Variants in TPST1 observed in about 807,000 individuals in gnomAD.
The protein encoded by TPST1 is protein-tyrosine sulfotransferase 1.
In TPST1, 20 loss-of-function variants were observed where a neutral mutation model predicts 34.8. That is an observed-to-expected ratio of 0.57 (90% CI 0.40 to 0.84). The LOEUF (loss-of-function observed/expected upper bound fraction) is 0.84. Ranked by LOEUF, TPST1 falls within the 40% of genes least tolerant of loss-of-function variation. The pLI is 0.00. For synonymous variants in TPST1, 152 were observed against 159.4 expected (o/e 0.95, Z 0.35); for missense variants, 353 against 455.5 (o/e 0.78, Z 2.05).
chr7:66,278,737 C>A (rs191558365), intron 2 of TPST1, among the ~76,000 whole-genome samples: 1 of 151,168 alleles, frequency 6.6e-6, no homozygotes, highest in Non-Finnish European at 1.5e-5. Context: ...GAGCCGAGAT[C>A]GCACCACTGC....
rs570721897 is a variant in TPST1 at position 66,278,681 on chromosome 7, G to T, written c.846-7830G>T. 3.6e-3 allele frequency among the ~76,000 whole-genome samples: 541 copies of T among 152,122 alleles called. 3 individuals are homozygous for T. Among genetic ancestry groups the T allele is most frequent in the African/African-American group, 0.012 (512 of 41,492 alleles). The stretch of plus-strand genomic sequence containing the variant: ...CGCCTGTAGTCCCAGCTACTGGGAG[G>T]CTGAGGCAGGAGAATGGCGTGAACC... On this transcript the variant is annotated intron_variant, in intron 2 of 5. Coordinates refer to ENST00000304842, the MANE Select transcript of TPST1 (RefSeq NM_003596.4).
intron 2 of TPST1, among the ~76,000 whole-genome samples, chr7:66,271,778 C>T (rs974901801): frequency 5.3e-5 from 8 of 151,432 alleles, no homozygotes; most frequent in Admixed American, 6.6e-5. Flanking sequence ...ATATCCATAT[C>T]GTATATGTAT....
At chr7:66,213,493 C>A (rs1204614641) in intron 1 of TPST1, among the ~76,000 whole-genome samples, 2 of 152,148 alleles carry the variant, frequency 1.3e-5, no homozygotes, top group African/African-American at 4.8e-5. Flanking sequence ...CGGTGGCTCA[C>A]GCCTGTAATC....
intron 3 of TPST1, among the ~76,000 whole-genome samples, chr7:66,335,359 A>G (rs1468788109): frequency 6.6e-6 from 1 of 151,956 alleles, no homozygotes; most frequent in Non-Finnish European, 1.5e-5. Flanking sequence ...CAGAGGCTGA[A>G]GCAAAGAGTC....
chr7:66,250,451 T>C (rs753084288), intron 2 of TPST1, among the ~76,000 whole-genome samples: 1 of 152,230 alleles, frequency 6.6e-6, no homozygotes, highest in Non-Finnish European at 1.5e-5. Flanking sequence ...CAGACAGACA[T>C]AGGTTCAAAT....
rs1792501807 is a variant in TPST1 at position 66,352,528 on chromosome 7, A to G, written c.1068A>G (p.Leu356=). The G allele has an allele frequency of 1.9e-6, 3 of 1,613,232 alleles. No individual in the cohort carries two copies. The highest frequency in any genetic ancestry group is 8.5e-7 in the Non-Finnish European group (1 of 1,179,804). The change falls in exon 4 of 6, where the codon CTA becomes CTG. Residue 356 remains leucine, a synonymous_variant. Transcript: ENST00000304842. ...TRRVYKGEFQ[L]PDFLKEKPQT... ...AGGTCTATAAGGGAGAATTCCAACT[A>G]CCTGACTTTCTTAAAGAAAAACCAC...
chr7:66,293,219 A>G (rs1385366511), intron 3 of TPST1, among the ~76,000 whole-genome samples: 1 of 151,868 alleles, frequency 6.6e-6, no homozygotes, highest in African/African-American at 2.4e-5. Flanking sequence ...AAAAAAAAAG[A>G]AAAACTTGGG....
At chr7:66,203,188 C>T (rs1419125645), upstream of TPST1, among the ~76,000 whole-genome samples, 2 of 151,804 alleles carry the variant, frequency 1.3e-5, no homozygotes, top group Non-Finnish European at 2.9e-5. Flanking sequence ...TATATACACA[C>T]ACACACATAT....
Position 66,240,754 on chromosome 7 carries a change from T to C in TPST1, c.329T>C (p.Leu110Pro). The C allele has an allele frequency of 6.2e-7, 1 of 1,614,226 alleles. No homozygotes were observed. Among genetic ancestry groups the C allele is most frequent in the Non-Finnish European group, 8.5e-7 (1 of 1,180,046 alleles). ...AGGGTCATTCCCCGAATCCTGGCCC[T>C]GAAGCAGATGTGGTCACGGTCAAGT... ...ETRVIPRILA[L>P]KQMWSRSSKE... Residue 110 changes from leucine to proline, a missense_variant, in exon 2 of 6, where the codon CTG becomes CCG. Coordinates refer to ENST00000304842, the MANE Select transcript of TPST1 (RefSeq NM_003596.4).
chr7:66,325,782 C>T (rs1335116552), intron 3 of TPST1, among the ~76,000 whole-genome samples: 1 of 151,944 alleles, frequency 6.6e-6, no homozygotes, highest in African/African-American at 2.4e-5. Flanking sequence ...ATTACAGGCA[C>T]CCGCCTCCAT....
intron 1 of TPST1, among the ~76,000 whole-genome samples, chr7:66,224,622 G>T (rs1789610449): frequency 6.6e-6 from 1 of 152,142 alleles, no homozygotes; most frequent in Admixed American, 6.5e-5. Flanking sequence ...TGGGTGTTGG[G>T]CATGGCCTTG....
chr7:66,206,123 CTTTTTT>C (rs55882173), intron 1 of TPST1, among the ~76,000 whole-genome samples: 3 of 116,162 alleles, frequency 2.6e-5, no homozygotes, highest in Non-Finnish European at 3.6e-5. Context: ...GGATTCATCG[CTTTTTT>C]TTTTTTTTTT....
At position 66,241,229 on chromosome 7, in the gene TPST1, T is replaced by C. The variant is rs778636423; in HGVS notation, c.804T>C (p.His268=). Residue 268 remains histidine (H), a synonymous_variant, in exon 2 of 6, where the codon CAT becomes CAC. Transcript: ENST00000304842. The stretch of plus-strand genomic sequence containing the variant: ...CATGGAACCACTCAGTATTGCACCA[T>C]GAAGAGATGATTGGGAAAGCTGGGG... ...QIPWNHSVLH[H]EEMIGKAGGV... The C allele has an allele frequency of 1.2e-6, 2 of 1,610,892 alleles. No homozygotes were observed. The highest frequency in any genetic ancestry group is 1.7e-6 in the Non-Finnish European group (2 of 1,178,274).
intron 2 of TPST1, among the ~76,000 whole-genome samples, chr7:66,279,110 A>G (rs1790881517): frequency 1.3e-5 from 2 of 152,136 alleles, no homozygotes; most frequent in Non-Finnish European, 1.5e-5. Context: ...AGTAGGCCCA[A>G]GCGTCTGTTG....
intron 2 of TPST1, among the ~76,000 whole-genome samples, chr7:66,252,080 T>C (rs1395134769): frequency 5.3e-5 from 8 of 151,794 alleles, no homozygotes; most frequent in East Asian, 2.0e-4. Flanking sequence ...TTTTTTGAGA[T>C]GGAGTCTCGC....
intron 1 of TPST1, among the ~76,000 whole-genome samples, chr7:66,215,916 G>A (rs1789397155): frequency 6.6e-6 from 1 of 151,386 alleles, no homozygotes; most frequent in South Asian, 2.1e-4. Flanking sequence ...GGGACTACAG[G>A]CGCCCGCCAC....
chr7:66,338,521 A>G (rs996446452), intron 3 of TPST1, among the ~76,000 whole-genome samples: 7 of 152,216 alleles, frequency 4.6e-5, no homozygotes, highest in African/African-American at 1.7e-4. Context: ...CAGTTGCAGA[A>G]TACACATTTT....
chr7:66,225,752 T>A (rs970413744), intron 1 of TPST1, among the ~76,000 whole-genome samples: 1 of 152,248 alleles, frequency 6.6e-6, no homozygotes, highest in African/African-American at 2.4e-5. Context: ...TTACTGTACT[T>A]CTTAAATCAA....
At chr7:66,341,987 T>C in intron 3 of TPST1, among the ~76,000 whole-genome samples, 1 of 152,014 alleles carries the variant, frequency 6.6e-6, no homozygotes, top group Middle Eastern at 3.2e-3. Flanking sequence ...AGAGATGACT[T>C]AGAGAGAAAA....
Sources: allele counts gnomAD v4.1 joint callset (sites outside exome capture counted in the v4.1 genomes callset), GRCh38; gene constraint gnomAD v4.1.1; transcripts MANE v1.5; gene names NCBI Gene and HGNC (gene_info 2026-07-23, HGNC 2026-07-21).